MACROD2: variants seen among roughly 807,000 people sequenced by gnomAD.
MACROD2 encodes the protein ADP-ribose glycohydrolase MACROD2.
MACROD2 carries 36 observed loss-of-function variants against 70.4 expected under a neutral mutation model. That is an observed-to-expected ratio of 0.51 (90% CI 0.39 to 0.68). The LOEUF (loss-of-function observed/expected upper bound fraction) is 0.68. Among genes scored for constraint, MACROD2 ranks in the 30% least tolerant of loss-of-function variants. The pLI, the probability that MACROD2 is intolerant of heterozygous loss-of-function variation, is 0.00. For synonymous variants in MACROD2, 172 were observed against 178.8 expected (o/e 0.96, Z 0.30); for missense variants, 496 against 538.4 (o/e 0.92, Z 0.78).
At chr20:14,420,447 T>A (rs1442515336) in intron 3 of MACROD2, among the ~76,000 whole-genome samples, 2 of 152,164 alleles carry the variant, frequency 1.3e-5, no homozygotes, top group Non-Finnish European at 2.9e-5. Context: ...TTGAAATTTT[T>A]ATTTGCATTT....
At chr20:14,259,703 GAAA>G (rs2082086625) in intron 3 of MACROD2, among the ~76,000 whole-genome samples, 1 of 152,212 alleles carries the variant, frequency 6.6e-6, no homozygotes, top group Non-Finnish European at 1.5e-5. Flanking sequence ...CAGACAAGAA[GAAA>G]GAGAGTTATT....
At chr20:16,047,441 T>C (rs539122589) in intron 17 of MACROD2, among the ~76,000 whole-genome samples, 1 of 152,316 alleles carries the variant, frequency 6.6e-6, no homozygotes, top group African/African-American at 2.4e-5. Context: ...TTGAGGGCAG[T>C]AATGATGGTT....
intron 5 of MACROD2, among the ~76,000 whole-genome samples, chr20:14,867,513 T>C (rs2073440977): frequency 6.6e-6 from 1 of 152,166 alleles, no homozygotes; most frequent in South Asian, 2.1e-4. Flanking sequence ...GGAAAGTTGC[T>C]ATAAGCGATG....
chr20:14,644,555 A>G (rs1321943146), intron 4 of MACROD2, among the ~76,000 whole-genome samples: 3 of 151,760 alleles, frequency 2.0e-5, no homozygotes, highest in Non-Finnish European at 1.5e-5. Context: ...TTAAGTCCAT[A>G]TCATTGCAAT....
At chr20:14,498,727 A>G (rs13036305) in intron 4 of MACROD2, among the ~76,000 whole-genome samples, 23,171 of 152,194 alleles carry the variant, frequency 0.15, 2,524 homozygotes, top group Non-Finnish European at 0.22. Context: ...TGTGAAGAGC[A>G]ATGTGTTTAA....
At chr20:15,616,383 C>T (rs1451771057) in intron 8 of MACROD2, among the ~76,000 whole-genome samples, 4 of 152,048 alleles carry the variant, frequency 2.6e-5, no homozygotes, top group African/African-American at 9.7e-5. Flanking sequence ...GGATTATAGG[C>T]GTGAGCCACC....
intron 5 of MACROD2, among the ~76,000 whole-genome samples, chr20:14,896,763 A>G (rs2073835004): frequency 6.6e-6 from 1 of 152,188 alleles, no homozygotes; most frequent in African/African-American, 2.4e-5. Flanking sequence ...AGAAAATGAC[A>G]GATGGCATAT....
chr20:15,463,958 C>T (rs555555204), intron 7 of MACROD2, among the ~76,000 whole-genome samples: 1 of 152,264 alleles, frequency 6.6e-6, no homozygotes, highest in South Asian at 2.1e-4. Context: ...CTAGTCCCTT[C>T]TATGATTTTA....
At chr20:14,481,594 C>T (rs570954793) in intron 3 of MACROD2, among the ~76,000 whole-genome samples, 3 of 152,220 alleles carry the variant, frequency 2.0e-5, no homozygotes, top group South Asian at 4.1e-4. Context: ...TAACTGGATA[C>T]ATTGCTTTTT....
At chr20:15,625,619 G>C (rs1399926422) in intron 8 of MACROD2, among the ~76,000 whole-genome samples, 3 of 152,008 alleles carry the variant, frequency 2.0e-5, no homozygotes, top group Non-Finnish European at 4.4e-5. Flanking sequence ...CTTAGTAAAA[G>C]GTATTTTAGT....
intron 6 of MACROD2, among the ~76,000 whole-genome samples, chr20:15,289,416 A>G (rs1490173863): frequency 6.6e-6 from 1 of 152,230 alleles, no homozygotes; most frequent in African/African-American, 2.4e-5. Flanking sequence ...TCAATGATAT[A>G]TTAAAGGAAG....
chr20:15,700,578 T>G (rs560126433), intron 8 of MACROD2, among the ~76,000 whole-genome samples: 4 of 152,372 alleles, frequency 2.6e-5, no homozygotes, highest in Non-Finnish European at 4.4e-5. Context: ...GCATATTTAT[T>G]TACATAAAGA....
rs6135582 is a variant in MACROD2, at chr20:15,876,256, C to T, written c.728-9508C>T. Among the ~76,000 whole-genome samples, 2,508 of 151,820 alleles carry T rather than the reference C, an allele frequency of 0.017. 182 individuals carry two copies. In the East Asian group the frequency reaches 0.23, roughly 14 times the overall value. The stretch of plus-strand genomic sequence containing the variant: ...ATTAAGTATATCTCCTAATGCTATC[C>T]TTCCCCCTGCCTCCCACCCAATAGC... On this transcript the variant is annotated intron_variant, in intron 9 of 17. Transcript: ENST00000684519.
intron 5 of MACROD2, among the ~76,000 whole-genome samples, chr20:14,846,218 T>C (rs2073138406): frequency 6.6e-6 from 1 of 152,132 alleles, no homozygotes; most frequent in Non-Finnish European, 1.5e-5. Flanking sequence ...CATTAAAATG[T>C]CAACTTTTTT....
chr20:15,527,316 T>C (rs1454113346), intron 8 of MACROD2, among the ~76,000 whole-genome samples: 1 of 152,256 alleles, frequency 6.6e-6, no homozygotes, highest in African/African-American at 2.4e-5. Context: ...GTTAATGGTA[T>C]TCAACTATCT....
intron 6 of MACROD2, among the ~76,000 whole-genome samples, chr20:15,234,224 G>T (rs1282528572): frequency 6.8e-6 from 1 of 146,458 alleles, no homozygotes; most frequent in Non-Finnish European, 1.5e-5. Flanking sequence ...AGTAGAGACG[G>T]GGTTTCACCG....
intron 8 of MACROD2, among the ~76,000 whole-genome samples, chr20:15,840,715 T>C (rs954225893): frequency 2.0e-5 from 3 of 152,086 alleles, no homozygotes; most frequent in African/African-American, 7.2e-5. Context: ...ATAAATTTCT[T>C]AAACTAGTAT....
intron 4 of MACROD2, among the ~76,000 whole-genome samples, chr20:14,635,751 T>G (rs1984753525): frequency 6.6e-6 from 1 of 152,188 alleles, no homozygotes; most frequent in African/African-American, 2.4e-5. Context: ...TTTAAACAAC[T>G]ATTAGACAAA....
intron 12 of MACROD2, among the ~76,000 whole-genome samples, chr20:15,951,306 G>GACACACAC (rs58032991): frequency 0.041 from 5,512 of 135,536 alleles, 143 homozygotes; most frequent in South Asian, 0.072. Flanking sequence ...TATTTATCTA[G>GACACACAC]ACACACACAC....
Sources: allele counts gnomAD v4.1 joint callset (sites outside exome capture counted in the v4.1 genomes callset), GRCh38; gene constraint gnomAD v4.1.1; transcripts MANE v1.5; gene names NCBI Gene and HGNC (gene_info 2026-07-23, HGNC 2026-07-21).